Variants in PUS10 observed in about 807,000 individuals in gnomAD.
PUS10 encodes tRNA pseudouridine synthase Pus10.
Under a neutral mutation model 75.0 loss-of-function variants are expected in PUS10, and 59 were observed. The ratio of observed to expected loss-of-function variants is 0.79; its 90% CI spans 0.64 to 0.98. PUS10 has a LOEUF of 0.98. PUS10 is among the 50% of genes least tolerant of loss of function. PUS10 has a pLI of 0.00. For synonymous variants in PUS10, 219 were observed against 211.6 expected (o/e 1.03, Z -0.30); for missense variants, 650 against 614.4 (o/e 1.06, Z -0.61).
Position 60,942,161 on chromosome 2 carries a change from G to A in PUS10, c.*234C>T, listed in dbSNP as rs1258268910. 1 of 468,822 alleles carries A rather than the reference G, an allele frequency of 2.1e-6. No individual in the cohort carries two copies. Among genetic ancestry groups the A allele is most frequent in the Admixed American group, 3.8e-5 (1 of 25,980 alleles). 29.0% of individuals were successfully genotyped at this position (468,822 alleles called of 1,614,324 possible). A position where few individuals can be genotyped will look rare whatever the true frequency, so the allele number is the denominator to read the frequency against. On this transcript the variant is annotated 3_prime_UTR_variant, in exon 18 of 18. Coordinates refer to ENST00000316752, the MANE Select transcript of PUS10 (RefSeq NM_144709.4). ...CATTATTCATAGTTTGGTTTGTGGG[G>A]GTGAAAGAGGGAATGAGAAAAATCC... is the stretch of plus-strand genomic sequence containing the variant.
chr2:60,994,734 T>C (rs978764459), intron 4 of PUS10, among the ~76,000 whole-genome samples: 1 of 152,152 alleles, frequency 6.6e-6, no homozygotes, highest in South Asian at 2.1e-4. Flanking sequence ...AGAAAGAAAA[T>C]ACTAAAGTCA....
intron 5 of PUS10, among the ~76,000 whole-genome samples, chr2:60,969,087 T>C (rs2104398570): frequency 6.6e-6 from 1 of 152,352 alleles, no homozygotes; most frequent in South Asian, 2.1e-4. Context: ...GTTTACATTC[T>C]GGAAAGTCCA....
At chr2:60,943,036 GAAAAA>G (rs1163561504) in intron 17 of PUS10, among the ~76,000 whole-genome samples, 27 of 78,412 alleles carry the variant, frequency 3.4e-4, no homozygotes, top group Admixed American at 5.2e-4. Flanking sequence ...ATCTATCTCA[GAAAAA>G]AAAAAAAAAA....
intron 5 of PUS10, among the ~76,000 whole-genome samples, chr2:60,970,083 T>TA (rs967260766): frequency 4.5e-4 from 64 of 143,332 alleles, no homozygotes; most frequent in Non-Finnish European, 5.7e-4. Context: ...AAACTACGTT[T>TA]AAAAAAAAAA....
intron 4 of PUS10, among the ~76,000 whole-genome samples, chr2:60,989,654 CAG>C (rs1222362921): frequency 1.3e-5 from 2 of 151,332 alleles, no homozygotes; most frequent in Non-Finnish European, 2.9e-5. Context: ...TTTTCTGAGA[CAG>C]AGTTTCACTC....
chr2:60,989,396 C>T (rs902124284), intron 4 of PUS10, among the ~76,000 whole-genome samples: 10 of 152,052 alleles, frequency 6.6e-5, no homozygotes, highest in African/African-American at 2.4e-4. Context: ...TCTTTTGAGT[C>T]ACATTTAAGG....
intron 1 of PUS10, 109 bp from the exon 2 acceptor site, chr2:61,012,014 T>C: frequency 2.6e-6 from 2 of 756,310 alleles, no homozygotes; most frequent in Non-Finnish European, 3.9e-6. Flanking sequence ...AACACTATTG[T>C]GTACTCTCTA....
chr2:61,016,096 T>C (rs1441203877), intron 1 of PUS10, among the ~76,000 whole-genome samples: 1 of 152,200 alleles, frequency 6.6e-6, no homozygotes, highest in Non-Finnish European at 1.5e-5. Flanking sequence ...TAGAAGACAA[T>C]GTTTATTTTT....
Position 60,942,378 on chromosome 2 carries a change from G to T in PUS10, c.*17C>A, listed in dbSNP as rs1415171284. On this transcript the variant is annotated 3_prime_UTR_variant, in exon 18 of 18. Coordinates refer to ENST00000316752, the MANE Select transcript of PUS10 (RefSeq NM_144709.4). ...TCATGCCAGGAAAACCATACTCTTT[G>T]TCTCCAAATTTGAAAGCTAGTCATC... 6.2e-7 allele frequency: 1 copy of T among 1,610,614 alleles called. No homozygotes were observed. The highest frequency in any genetic ancestry group is 8.5e-7 in the Non-Finnish European group (1 of 1,176,818).
At chr2:60,974,195 C>A (rs1442847151) in intron 4 of PUS10, among the ~76,000 whole-genome samples, 1 of 150,728 alleles carries the variant, frequency 6.6e-6, no homozygotes, top group Non-Finnish European at 1.5e-5. Flanking sequence ...AACTGTTCTA[C>A]CACTTGATAA....
At chr2:60,951,343 T>G (rs1482195242) in intron 15 of PUS10, among the ~76,000 whole-genome samples, 1 of 152,170 alleles carries the variant, frequency 6.6e-6, no homozygotes, top group Admixed American at 6.6e-5. Context: ...TGATTCAAGC[T>G]CATTACATTT....
intron 4 of PUS10, among the ~76,000 whole-genome samples, chr2:60,994,165 G>C (rs1248611873): frequency 6.6e-6 from 1 of 151,642 alleles, no homozygotes; most frequent in Non-Finnish European, 1.5e-5. Flanking sequence ...AGGGAAGAAA[G>C]TAGTAGTACT....
At chr2:60,996,641 G>GGATAT (rs199521362) in intron 4 of PUS10, among the ~76,000 whole-genome samples, 3,224 of 152,086 alleles carry the variant, frequency 0.021, 121 homozygotes, top group African/African-American at 0.073. Flanking sequence ...GAAGCAGGGA[G>GGATAT]GCATATCCAG....
At chr2:60,979,659 T>C (rs1264433999) in intron 4 of PUS10, among the ~76,000 whole-genome samples, 1 of 151,982 alleles carries the variant, frequency 6.6e-6, no homozygotes, top group Non-Finnish European at 1.5e-5. Context: ...AAACCTATGT[T>C]GGCCATGTTT....
intron 9 of PUS10, 117 bp from the exon 10 acceptor site, chr2:60,961,665 A>C (rs1247780648): frequency 2.3e-6 from 2 of 873,650 alleles, no homozygotes; most frequent in Non-Finnish European, 3.8e-6. Context: ...TCTAACTTTT[A>C]GTTTCGCAAC....
At chr2:60,970,851 AT>A (rs1676615580) in intron 5 of PUS10, among the ~76,000 whole-genome samples, 1 of 152,154 alleles carries the variant, frequency 6.6e-6, no homozygotes, top group African/African-American at 2.4e-5. Flanking sequence ...CTTTTATGAC[AT>A]AGTTTTATAG....
chr2:60,989,549 T>TA (rs951700345), intron 4 of PUS10, among the ~76,000 whole-genome samples: 1 of 152,176 alleles, frequency 6.6e-6, no homozygotes, highest in African/African-American at 2.4e-5. Flanking sequence ...GCCCAAGACC[T>TA]AAATGAAGAC....
intron 5 of PUS10, among the ~76,000 whole-genome samples, chr2:60,969,424 G>A (rs756364555): frequency 2.0e-5 from 3 of 152,178 alleles, no homozygotes; most frequent in Non-Finnish European, 4.4e-5. Context: ...ATACCTGATT[G>A]TCCTTTAGAG....
chr2:61,011,790 T>C lies in PUS10; in HGVS notation c.101A>G (p.His34Arg), dbSNP rs560194306. 30 of 1,601,782 alleles carry C rather than the reference T, an allele frequency of 1.9e-5. 1 individual carries two copies. The South Asian group carries it at 2.8e-4, about 15-fold the overall frequency. Residue 34 changes from histidine to arginine, a missense_variant, in exon 2 of 18, where the codon CAT becomes CGT. Transcript: ENST00000316752. ...CTTGTATGGAAGTTTGTAAGGTGCA[T>C]GAAAATCCACACCACAGAATCTGAA... ...CIFRFCGVDF[H>R]APYKLPYKEL...
Sources: gnomAD v4.1 joint callset for allele counts (sites outside exome capture counted in the v4.1 genomes callset) on GRCh38, gnomAD v4.1.1 for gene constraint, MANE v1.5 for transcripts, NCBI Gene and HGNC (gene_info 2026-07-23, HGNC 2026-07-21) for gene names.